The following FRMD8 variants were observed in gnomAD, a reference collection of about 807,000 sequenced individuals.
FRMD8 encodes the protein FERM domain containing 8.
A neutral mutation model predicts 54.2 loss-of-function variants in FRMD8; 37 were observed. The observed-to-expected ratio is 0.68, with a 90% CI of 0.53 to 0.90. FRMD8 has a LOEUF of 0.90. Among genes scored for constraint, FRMD8 ranks in the 40% least tolerant of loss-of-function variants. FRMD8 has a pLI of 0.00. For missense variants in FRMD8, 585 were observed against 653.7 expected (o/e 0.89, Z 1.15); for synonymous variants, 246 against 286.9 (o/e 0.86, Z 1.44).
chr11:65,377,063 G>A, the FRMD8 span: 1 of 1,613,706 alleles, frequency 6.2e-7, no homozygotes, highest in South Asian at 1.1e-5. Context: ...GTCAAAAGGA[G>A]CCAGACAGTA....
the FRMD8 span, chr11:65,380,599 C>T: frequency 7.7e-7 from 1 of 1,294,274 alleles, no homozygotes; most frequent in Non-Finnish European, 1.0e-6. Context: ...AGAGCAGGCC[C>T]TGCTGCCAGC....
chr11:65,376,488 G>A, the FRMD8 span: 1 of 1,614,178 alleles, frequency 6.2e-7, no homozygotes, highest in South Asian at 1.1e-5. Flanking sequence ...TGTTGATGGT[G>A]ACCCCCCGGA....
At chr11:65,392,355 C>A (rs190846971) in intron 3 of FRMD8, among the ~76,000 whole-genome samples, 86 of 152,300 alleles carry the variant, frequency 5.6e-4, no homozygotes, top group Non-Finnish European at 5.9e-5. Flanking sequence ...GATTGGCCAT[C>A]AGTGGGGACT....
chr11:65,386,889 G>A (rs975214187), intron 1 of FRMD8, 128 bp downstream of exon 1: 29 of 697,954 alleles, frequency 4.2e-5, no homozygotes, highest in Admixed American at 9.8e-5. Flanking sequence ...ACCAGCGCCC[G>A]GTCTGCACTC....
At chr11:65,405,567 G>A (rs1856178068) in intron 10 of FRMD8, among the ~76,000 whole-genome samples, 2 of 152,174 alleles carry the variant, frequency 1.3e-5, no homozygotes, top group Admixed American at 1.3e-4. Flanking sequence ...AGGTTGCAGT[G>A]AGCCGAGATT....
At chr11:65,410,603 A>G (rs1179145225) in intron 10 of FRMD8, among the ~76,000 whole-genome samples, 1 of 151,630 alleles carries the variant, frequency 6.6e-6, no homozygotes, top group Non-Finnish European at 1.5e-5. Flanking sequence ...ATCTTGGCTA[A>G]CACGGTGAAA....
Position 65,411,450 on chromosome 11 carries a change from T to C in FRMD8, c.*90T>C. 1.2e-6 allele frequency: 1 copy of C among 818,366 alleles called. No homozygotes were observed. Among genetic ancestry groups the C allele is most frequent in the Non-Finnish European group, 1.8e-6 (1 of 546,780 alleles). 50.7% of individuals were successfully genotyped at this position (818,366 alleles called of 1,614,324 possible). A position where few individuals can be genotyped will look rare whatever the true frequency, so the allele number is the denominator to read the frequency against. ...GCAGGCGCCGGCTGCAACAGTCTCA[T>C]GGGTCACCACGTGGGGAGGGCTGCC... On this transcript the variant is annotated 3_prime_UTR_variant, in exon 11 of 11. Transcript: ENST00000317568.
intron 10 of FRMD8, among the ~76,000 whole-genome samples, chr11:65,409,496 T>G (rs1489899864): frequency 1.3e-5 from 2 of 152,170 alleles, no homozygotes; most frequent in Non-Finnish European, 2.9e-5. Context: ...ATTAACAATC[T>G]GGCCAGGTGA....
chr11:65,383,824 T>A (rs1004370374), upstream of FRMD8: 3 of 150,830 alleles, frequency 2.0e-5, no homozygotes, highest in Non-Finnish European at 4.4e-5. Flanking sequence ...CAGCTCTGCA[T>A]GAATTAAACT....
At position 65,389,456 on chromosome 11, in the gene FRMD8, G is replaced by T; in HGVS notation, c.181G>T (p.Val61Phe). The T allele has an allele frequency of 6.2e-7, 1 of 1,609,450 alleles. No homozygotes were observed. Reference protein sequence around the residue: ...SLSAHELHRAVREVLQLPDIA... With the variant: ...SLSAHELHRAFREVLQLPDIA... ...CAGTGCCCATGAGCTGCACCGCGCT[G>T]TCCGCGAGGTCCTGCAGCTTCCAGA... is the stretch of plus-strand genomic sequence containing the variant. The change falls in exon 3 of 11, where the codon GTC (valine) becomes TTC (phenylalanine). Residue 61 changes from valine to phenylalanine, a missense_variant. Val to Phe is a conservative substitution (Grantham distance 50). Coordinates refer to ENST00000317568, the MANE Select transcript of FRMD8 (RefSeq NM_031904.5).
rs1855961536 is a variant in FRMD8 at position 65,396,663 on chromosome 11, T to G, written c.582-136T>G. On this transcript the variant is annotated intron_variant, in intron 6 of 10. Transcript: ENST00000317568. ...TGTCTGGTGCCTGGGTCTCCCCTTG[T>G]GGGCTCCTTACCCAGCCTCTGACTT... is the stretch of plus-strand genomic sequence containing the variant. 7 of 546,682 alleles carry G rather than the reference T, an allele frequency of 1.3e-5. No individual in the cohort carries two copies. The Admixed American group carries it at 2.3e-4, about 18-fold the overall frequency. 33.9% of individuals were successfully genotyped at this position (546,682 alleles called of 1,614,324 possible). A position where few individuals can be genotyped will look rare whatever the true frequency, so the allele number is the denominator to read the frequency against.
the FRMD8 span, chr11:65,379,386 C>A: frequency 6.2e-7 from 1 of 1,609,762 alleles, no homozygotes; most frequent in Non-Finnish European, 8.5e-7. Context: ...CTGCAGGAAC[C>A]CCCCGGTGCA....
At position 65,411,413 on chromosome 11, in the gene FRMD8, T is replaced by C; in HGVS notation, c.*53T>C. The C allele has an allele frequency of 8.0e-7, 1 of 1,254,290 alleles. No individual in the cohort carries two copies. Among genetic ancestry groups the C allele is most frequent in the Non-Finnish European group, 1.1e-6 (1 of 911,528 alleles). The allele number at this position is 1,254,290 out of a possible 1,614,324, so 77.7% of individuals were successfully genotyped here. A position where few individuals can be genotyped will look rare whatever the true frequency, so the allele number is the denominator to read the frequency against. On this transcript the variant is annotated 3_prime_UTR_variant, in exon 11 of 11. Transcript: ENST00000317568. ...GACTGGGGGCCCTGGCCCGGCACTG[T>C]CCTCCTGAGGGGCAGGCGCCGGCTG...
chr11:65,379,752 C>T, the FRMD8 span: 1 of 1,421,544 alleles, frequency 7.0e-7, no homozygotes, highest in South Asian at 1.2e-5. Flanking sequence ...CCAAGGATCC[C>T]AGACTTGGTC....
intron 3 of FRMD8, 66 bp from the exon 4 acceptor site, chr11:65,393,507 T>C (rs1855882281): frequency 1.7e-6 from 2 of 1,204,736 alleles, no homozygotes; most frequent in Middle Eastern, 2.5e-4. Context: ...TGCGGTGTGA[T>C]AGGTGGAAGG....
the FRMD8 span, among the ~76,000 whole-genome samples, chr11:65,370,549 A>G: frequency 1.3e-5 from 2 of 151,816 alleles, no homozygotes; most frequent in African/African-American, 4.8e-5. Context: ...AAAATACAAA[A>G]AATTAGCCGG....
the FRMD8 span, among the ~76,000 whole-genome samples, chr11:65,368,914 C>T: frequency 6.6e-6 from 1 of 152,098 alleles, no homozygotes; most frequent in Admixed American, 6.6e-5. Context: ...GCTTCCCAGA[C>T]CTCATAGTTT....
the FRMD8 span, chr11:65,379,872 C>A: frequency 6.2e-7 from 1 of 1,614,216 alleles, no homozygotes; most frequent in Non-Finnish European, 8.5e-7. Flanking sequence ...CTCACGGACT[C>A]ATGGCGGTAA....
chr11:65,369,903 A>T, the FRMD8 span, among the ~76,000 whole-genome samples: 1 of 151,000 alleles, frequency 6.6e-6, no homozygotes, highest in Non-Finnish European at 1.5e-5. Flanking sequence ...ATGGTGGCAC[A>T]TATCTGTAAT....
Sources: gnomAD v4.1 joint callset for allele counts (sites outside exome capture counted in the v4.1 genomes callset) on GRCh38, gnomAD v4.1.1 for gene constraint, MANE v1.5 for transcripts, NCBI Gene and HGNC (gene_info 2026-07-23, HGNC 2026-07-21) for gene names.